The following PCDH11Y variants were observed in gnomAD, a reference collection of about 807,000 sequenced individuals.
PCDH11Y encodes protocadherin-11 Y-linked.
For synonymous variants in PCDH11Y, 9 were observed against 83.6 expected, an observed-to-expected ratio of 0.11 and a Z score of 4.87; for missense variants, 12 against 224.8, an observed-to-expected ratio of 0.05 and a Z score of 6.05.
chrY:5,410,987 A>G (rs2124678416), intron 2 of PCDH11Y, among the ~76,000 whole-genome samples: 18 of 24,768 alleles, frequency 7.3e-4, no homozygotes, highest in African/African-American at 2.6e-3. Context: ...TAGTGCAGCA[A>G]TGAACATCCA....
At chrY:5,057,551 C>T in intron 1 of PCDH11Y, 92 bp downstream of exon 2, 2 of 240,177 alleles carry the variant, frequency 8.3e-6, no homozygotes, top group Non-Finnish European at 1.3e-5. Context: ...TTTGAGTAAG[C>T]CATCACCCCA....
At chrY:5,623,948 T>G (rs2053503721) in intron 4 of PCDH11Y, among the ~76,000 whole-genome samples, 1 of 33,598 alleles carries the variant, frequency 3.0e-5, no homozygotes. Flanking sequence ...CCATGAGCAG[T>G]GTATATGCAT....
chrY:5,561,015 G>A, intron 3 of PCDH11Y, among the ~76,000 whole-genome samples: 1 of 33,424 alleles, frequency 3.0e-5, no homozygotes, highest in Non-Finnish European at 7.4e-5. Context: ...CCACAGAGGC[G>A]GAGCTGCCCA....
intron 2 of PCDH11Y, among the ~76,000 whole-genome samples, chrY:5,343,284 C>G: frequency 4.0e-5 from 1 of 24,751 alleles, no homozygotes; most frequent in South Asian, 1.1e-3. Flanking sequence ...GACGGAGTCT[C>G]GCTCTGTCAC....
intron 4 of PCDH11Y, among the ~76,000 whole-genome samples, chrY:5,583,364 G>A (rs2053452457): frequency 3.2e-5 from 1 of 31,444 alleles, no homozygotes; most frequent in Non-Finnish European, 7.8e-5. Context: ...GCTATTCTGC[G>A]TGTTTTGTGG....
intron 2 of PCDH11Y, among the ~76,000 whole-genome samples, chrY:5,376,707 C>G: frequency 3.0e-5 from 1 of 32,828 alleles, no homozygotes; most frequent in Non-Finnish European, 7.4e-5. Context: ...GTAGATATGA[C>G]TAAATATATT....
intron 2 of PCDH11Y, among the ~76,000 whole-genome samples, chrY:5,382,035 T>C (rs2053205823): frequency 5.9e-5 from 2 of 33,635 alleles, no homozygotes; most frequent in Non-Finnish European, 1.5e-4. Flanking sequence ...TGCCAAAACA[T>C]AGGTTTAATT....
intron 2 of PCDH11Y, among the ~76,000 whole-genome samples, chrY:5,458,853 A>G: frequency 3.3e-5 from 1 of 30,404 alleles, no homozygotes; most frequent in Non-Finnish European, 8.1e-5. Flanking sequence ...CTACTCCTGT[A>G]TTGTCTTTTA....
At chrY:5,145,345 C>T in intron 2 of PCDH11Y, among the ~76,000 whole-genome samples, 1 of 32,911 alleles carries the variant, frequency 3.0e-5, no homozygotes, top group Non-Finnish European at 7.5e-5. Flanking sequence ...ATTGCTGAGC[C>T]TTATGGTTAA....
chrY:5,316,488 G>A (rs1179530714), intron 2 of PCDH11Y, among the ~76,000 whole-genome samples: 2 of 33,210 alleles, frequency 6.0e-5, no homozygotes, highest in East Asian at 8.1e-4. Flanking sequence ...AAGGAAGGAA[G>A]ACAAAGAGGA....
At chrY:5,135,550 C>T (rs2571741) in intron 2 of PCDH11Y, among the ~76,000 whole-genome samples, 1 of 32,757 alleles carries the variant, frequency 3.1e-5, no homozygotes, top group Non-Finnish European at 7.5e-5. Context: ...ACAGCAGAGG[C>T]GGCCAGGATT....
At chrY:5,390,570 T>C in intron 2 of PCDH11Y, among the ~76,000 whole-genome samples, 1 of 33,762 alleles carries the variant, frequency 3.0e-5, no homozygotes, top group African/African-American at 1.2e-4. Flanking sequence ...AATGTGTCTG[T>C]ATGATATTTA....
intron 1 of PCDH11Y, among the ~76,000 whole-genome samples, chrY:5,015,535 C>G: frequency 3.0e-5 from 1 of 33,238 alleles, no homozygotes; most frequent in Non-Finnish European, 7.4e-5. Context: ...TATTCAGATT[C>G]TACTGAATTA....
At chrY:5,191,099 T>C in intron 2 of PCDH11Y, among the ~76,000 whole-genome samples, 2 of 30,197 alleles carry the variant, frequency 6.6e-5, no homozygotes, top group African/African-American at 2.6e-4. Flanking sequence ...TAAGTGGGAG[T>C]TGAACAATGA....
At chrY:5,490,385 G>A in intron 2 of PCDH11Y, among the ~76,000 whole-genome samples, 1 of 34,166 alleles carries the variant, frequency 2.9e-5, no homozygotes, top group African/African-American at 1.1e-4. Flanking sequence ...CATGACCTAA[G>A]CACTTACCAA....
At chrY:5,525,929 GTCTC>G (rs2053387190) in intron 3 of PCDH11Y, among the ~76,000 whole-genome samples, 44 of 29,442 alleles carry the variant, frequency 1.5e-3, no homozygotes, top group African/African-American at 5.5e-3. Context: ...TCAAAAAACA[GTCTC>G]TCTCTCTCTC....
At chrY:5,511,236 A>C in intron 3 of PCDH11Y, among the ~76,000 whole-genome samples, 1 of 33,155 alleles carries the variant, frequency 3.0e-5, no homozygotes, top group African/African-American at 1.2e-4. Flanking sequence ...ACAGAAGAAC[A>C]GGATACATTG....
At chrY:5,602,664 CT>C (rs2053473815) in intron 4 of PCDH11Y, among the ~76,000 whole-genome samples, 1 of 30,109 alleles carries the variant, frequency 3.3e-5, no homozygotes, top group Non-Finnish European at 8.0e-5. Flanking sequence ...CCTACTCCTG[CT>C]TTTTTTTTCC....
intron 2 of PCDH11Y, among the ~76,000 whole-genome samples, chrY:5,333,810 T>G: frequency 3.1e-5 from 1 of 32,077 alleles, no homozygotes; most frequent in South Asian, 7.2e-4. Context: ...AATTACTTGT[T>G]GAGTCCAGGA....
Sources: allele counts gnomAD v4.1 joint callset (sites outside exome capture counted in the v4.1 genomes callset), GRCh38; gene constraint gnomAD v4.1.1; transcripts MANE v1.5; gene names NCBI Gene and HGNC (gene_info 2026-07-23, HGNC 2026-07-21).